CDH12: variants seen among roughly 807,000 people sequenced by gnomAD.
CDH12 encodes cadherin-12.
CDH12 carries 41 observed loss-of-function variants against 74.1 expected under a neutral mutation model. The observed-to-expected ratio is 0.55, with a 90% CI of 0.43 to 0.72. CDH12 has a LOEUF of 0.72. Ranked by LOEUF, CDH12 falls within the 30% of genes least tolerant of loss-of-function variation. The pLI, the probability that CDH12 is intolerant of heterozygous loss-of-function variation, is 0.00. For synonymous variants in CDH12, 399 were observed against 355.0 expected (o/e 1.12, Z -1.39); for missense variants, 945 against 977.2 (o/e 0.97, Z 0.44).
intron 3 of CDH12, among the ~76,000 whole-genome samples, chr5:22,386,359 C>T (rs1742001900): frequency 6.6e-6 from 1 of 152,160 alleles, no homozygotes; most frequent in African/African-American, 2.4e-5. Context: ...CAAGCCATAC[C>T]ATTGCCTAAT....
intron 5 of CDH12, among the ~76,000 whole-genome samples, chr5:22,042,370 TAA>T (rs1209804457): frequency 6.6e-6 from 1 of 152,028 alleles, no homozygotes; most frequent in African/African-American, 2.4e-5. Context: ...TATTTTTCTG[TAA>T]TGACAAATCT....
chr5:21,910,957 T>C (rs1486026256), intron 6 of CDH12, among the ~76,000 whole-genome samples: 1 of 152,188 alleles, frequency 6.6e-6, no homozygotes, highest in African/African-American at 2.4e-5. Context: ...GGAATAAAAA[T>C]GCTCTCTAGT....
intron 1 of CDH12, among the ~76,000 whole-genome samples, chr5:22,750,978 A>C (rs1271112671): frequency 1.3e-5 from 2 of 151,746 alleles, no homozygotes; most frequent in Non-Finnish European, 2.9e-5. Context: ...CAAGGTTTAC[A>C]ACCCTGGAAT....
At chr5:22,054,259 C>T (rs1478268283) in intron 5 of CDH12, among the ~76,000 whole-genome samples, 3 of 152,118 alleles carry the variant, frequency 2.0e-5, no homozygotes, top group Non-Finnish European at 2.9e-5. Flanking sequence ...TCTTCACCTA[C>T]TCATATTCTA....
intron 6 of CDH12, among the ~76,000 whole-genome samples, chr5:21,923,611 T>C (rs951390831): frequency 2.9e-4 from 44 of 152,184 alleles, no homozygotes; most frequent in African/African-American, 9.7e-4. Context: ...CTGGATTGTT[T>C]CTGATTCCCG....
intron 6 of CDH12, among the ~76,000 whole-genome samples, chr5:21,970,399 G>A (rs2963534): frequency 0.02 from 3,019 of 152,170 alleles, 104 homozygotes; most frequent in African/African-American, 0.069. Context: ...TTTATGTTTC[G>A]ATTTGTCTCT....
chr5:22,325,369 T>C (rs2150440348), intron 3 of CDH12, among the ~76,000 whole-genome samples: 1 of 152,246 alleles, frequency 6.6e-6, no homozygotes, highest in African/African-American at 2.4e-5. Flanking sequence ...CAGATACTAC[T>C]TAGAAATCTC....
rs1012422938 is a variant in CDH12, at chr5:21,769,359, C to T, written c.1394-4260G>A. Among the ~76,000 whole-genome samples the T allele has an allele frequency of 2.0e-5, 3 of 151,994 alleles. No individual in the cohort carries two copies. The South Asian group carries it at 6.2e-4, about 32-fold the overall frequency. On this transcript the variant is annotated intron_variant, in intron 11 of 14. Coordinates refer to ENST00000382254, the MANE Select transcript of CDH12 (RefSeq NM_004061.5). ...GACATGAACCTGTAGATGGAAAATG[C>T]TAAGGAATCTGCAAATAAACTTAGA...
intron 2 of CDH12, among the ~76,000 whole-genome samples, chr5:22,447,260 A>C (rs911791449): frequency 6.6e-6 from 1 of 152,002 alleles, no homozygotes; most frequent in African/African-American, 2.4e-5. Context: ...TTATTACATT[A>C]TTCTTCTTTT....
At chr5:22,433,981 A>C (rs1744273194) in intron 2 of CDH12, among the ~76,000 whole-genome samples, 1 of 152,086 alleles carries the variant, frequency 6.6e-6, no homozygotes, top group Admixed American at 6.6e-5. Flanking sequence ...ACGTTCTGTA[A>C]GTTTTCTGAG....
At chr5:22,574,514 C>T (rs576607499) in intron 1 of CDH12, among the ~76,000 whole-genome samples, 6 of 152,214 alleles carry the variant, frequency 3.9e-5, no homozygotes, top group African/African-American at 1.4e-4. Context: ...ACCTATCAAA[C>T]TTATTAATCT....
chr5:22,766,476 C>A (rs144927491), intron 1 of CDH12, among the ~76,000 whole-genome samples: 1 of 152,022 alleles, frequency 6.6e-6, no homozygotes, highest in Non-Finnish European at 1.5e-5. Context: ...ATGACAATGT[C>A]AGATGGCAGA....
chr5:22,165,529 C>A (rs1447544035), intron 4 of CDH12, among the ~76,000 whole-genome samples: 4 of 151,990 alleles, frequency 2.6e-5, no homozygotes, highest in Non-Finnish European at 4.4e-5. Context: ...CACACACACA[C>A]ACAGACATTC....
chr5:22,602,875 C>T (rs182644439), intron 1 of CDH12, among the ~76,000 whole-genome samples: 145 of 152,154 alleles, frequency 9.5e-4, no homozygotes, highest in African/African-American at 2.8e-3. Context: ...CTCATATCTG[C>T]CAATCAAAAA....
chr5:22,712,696 G>T (rs1743349874), intron 1 of CDH12, among the ~76,000 whole-genome samples: 1 of 151,872 alleles, frequency 6.6e-6, no homozygotes, highest in Non-Finnish European at 1.5e-5. Context: ...CACATTAAAG[G>T]CTCTTTTTTT....
At chr5:22,736,197 C>T (rs1419661030) in intron 1 of CDH12, among the ~76,000 whole-genome samples, 2 of 151,744 alleles carry the variant, frequency 1.3e-5, no homozygotes, top group Admixed American at 6.6e-5. Context: ...CATCCTAACT[C>T]ACATTAACAA....
At chr5:22,469,062 A>C (rs1472067600) in intron 2 of CDH12, among the ~76,000 whole-genome samples, 1 of 152,184 alleles carries the variant, frequency 6.6e-6, no homozygotes, top group Non-Finnish European at 1.5e-5. Context: ...AATTCAGATC[A>C]CCTTAATCAG....
intron 1 of CDH12, among the ~76,000 whole-genome samples, chr5:22,772,503 T>C (rs72748747): frequency 0.22 from 33,528 of 151,900 alleles, 4,229 homozygotes; most frequent in Non-Finnish European, 0.29. Context: ...GACTCACTCA[T>C]TTCACCGAGG....
intron 3 of CDH12, among the ~76,000 whole-genome samples, chr5:22,321,247 A>T (rs1738865102): frequency 6.6e-6 from 1 of 151,464 alleles, no homozygotes; most frequent in African/African-American, 2.4e-5. Flanking sequence ...ACCAACCCAA[A>T]TGTCCAACAA....
Sources: gnomAD v4.1 joint callset for allele counts (sites outside exome capture counted in the v4.1 genomes callset) on GRCh38, gnomAD v4.1.1 for gene constraint, MANE v1.5 for transcripts, NCBI Gene and HGNC (gene_info 2026-07-23, HGNC 2026-07-21) for gene names.